Variants in TRIM71 observed in about 807,000 individuals in gnomAD.
The protein encoded by TRIM71 is E3 ubiquitin-protein ligase TRIM71.
In TRIM71, 9 loss-of-function variants were observed where a neutral mutation model predicts 61.2. The observed-to-expected ratio is 0.15, with a 90% CI of 0.09 to 0.26. TRIM71 has a LOEUF of 0.26. TRIM71 is among the 10% of genes least tolerant of loss of function. The pLI is 1.00. For missense variants in TRIM71, 998 were observed against 1,238.7 expected (o/e 0.81, Z 2.92); for synonymous variants, 645 against 553.2 (o/e 1.17, Z -2.33).
At chr3:32,883,703 C>T (rs1308327200) in intron 2 of TRIM71, among the ~76,000 whole-genome samples, 1 of 152,222 alleles carries the variant, frequency 6.6e-6, no homozygotes, top group Non-Finnish European at 1.5e-5. Flanking sequence ...TAACCCAACA[C>T]AGCTACCTAG....
At chr3:32,876,666 T>TA (rs1696855515) in intron 2 of TRIM71, among the ~76,000 whole-genome samples, 1 of 152,178 alleles carries the variant, frequency 6.6e-6, no homozygotes, top group African/African-American at 2.4e-5. Context: ...ATTAACCTCT[T>TA]ACTCTCTTAA....
intron 1 of TRIM71, among the ~76,000 whole-genome samples, chr3:32,824,703 C>G (rs1287152019): frequency 6.6e-6 from 1 of 151,584 alleles, no homozygotes; most frequent in Admixed American, 6.6e-5. Flanking sequence ...AGGCTGGTCT[C>G]AAACTCCCAA....
rs1697077981 is a variant in TRIM71 at position 32,896,376 on chromosome 3, GT to G, written c.*4567del. On this transcript the variant is annotated 3_prime_UTR_variant, in exon 4 of 4. Coordinates refer to ENST00000383763, the MANE Select transcript of TRIM71 (RefSeq NM_001039111.3). ...TCACTGTTTTGACTGAGCAGTGACT[GT>G]TGAAGTGTGTATTGCTCTTTTGTTT... The G allele has an allele frequency of 6.6e-6, 1 of 152,128 alleles. No homozygotes were observed. The highest frequency in any genetic ancestry group is 2.1e-4 in the South Asian group (1 of 4,832). The allele number at this position is 152,128 out of a possible 1,614,324, so 9.4% of individuals were successfully genotyped here.
chr3:32,839,882 C>T (rs937913391), intron 1 of TRIM71, among the ~76,000 whole-genome samples: 2 of 152,118 alleles, frequency 1.3e-5, no homozygotes, highest in African/African-American at 4.8e-5. Context: ...GACCTGAGTG[C>T]TTTTGAGGAG....
At chr3:32,888,012 G>A (rs906692228) in intron 3 of TRIM71, among the ~76,000 whole-genome samples, 4 of 152,076 alleles carry the variant, frequency 2.6e-5, no homozygotes, top group Non-Finnish European at 5.9e-5. Flanking sequence ...AAGTTCATTC[G>A]CTTCACAGGG....
In TRIM71 at chr3:32,881,029, A is replaced by ATT. The variant is rs60555954; in HGVS notation, c.1021-4899_1021-4898dup. 0.014 allele frequency among the ~76,000 whole-genome samples: 2,179 copies of ATT among 151,934 alleles called. 136 individuals are homozygous for ATT. The East Asian group carries it at 0.2, about 14-fold the overall frequency. On this transcript the variant is annotated intron_variant, in intron 2 of 3. Transcript: ENST00000383763. ...AAATTTTATATATGTATATATATAT[A>ATT]TTTTTTTGAGGTGGAGTCTCACTCT...
rs1575344379 is a variant in TRIM71, at chr3:32,837,932, G to T, written c.852+19000G>T. On this transcript the variant is annotated intron_variant, in intron 1 of 3. Coordinates refer to ENST00000383763, the MANE Select transcript of TRIM71 (RefSeq NM_001039111.3). The stretch of plus-strand genomic sequence containing the variant: ...CAGGGCCACAATGCAAATGGCCAGG[G>T]CACATTGTTTTCCTCTGAGCAGATG... Among the ~76,000 whole-genome samples, 3 of 152,320 alleles carry T rather than the reference G, an allele frequency of 2.0e-5. No homozygotes were observed. The East Asian group carries it at 5.8e-4, about 29-fold the overall frequency.
intron 1 of TRIM71, among the ~76,000 whole-genome samples, chr3:32,868,168 T>C (rs1696759259): frequency 6.6e-6 from 1 of 152,098 alleles, no homozygotes; most frequent in African/African-American, 2.4e-5. Flanking sequence ...AACTGTGAAC[T>C]GTGTCCATAC....
At chr3:32,885,886 A>G in intron 2 of TRIM71, 48 bp from the exon 3 acceptor site, 3 of 1,590,290 alleles carry the variant, frequency 1.9e-6, no homozygotes, top group African/African-American at 2.7e-5. Flanking sequence ...TGTATAAGGA[A>G]TGACAGTCCT....
intron 1 of TRIM71, among the ~76,000 whole-genome samples, chr3:32,866,824 G>A (rs1179579445): frequency 6.6e-6 from 1 of 152,152 alleles, no homozygotes; most frequent in Non-Finnish European, 1.5e-5. Flanking sequence ...TTGGTTGGCT[G>A]CTGTTGGAGA....
chr3:32,824,802 C>CT (rs1261415089), intron 1 of TRIM71, among the ~76,000 whole-genome samples: 2 of 152,034 alleles, frequency 1.3e-5, no homozygotes, highest in Non-Finnish European at 2.9e-5. Context: ...CTTTTCTTTT[C>CT]TTTTTTTCTT....
At chr3:32,868,717 G>A (rs984455271) in intron 1 of TRIM71, among the ~76,000 whole-genome samples, 1 of 142,314 alleles carries the variant, frequency 7.0e-6, no homozygotes, top group African/African-American at 2.6e-5. Flanking sequence ...CTGTTTGCTT[G>A]TATTACTTTC....
chr3:32,826,582 C>CTTTTT (rs71068090), intron 1 of TRIM71, among the ~76,000 whole-genome samples: 2,963 of 83,054 alleles, frequency 0.036, 417 homozygotes, highest in East Asian at 0.074. Context: ...CAGGTGAGTT[C>CTTTTT]TTTTTTTTTT....
chr3:32,841,489 C>T (rs1432139512), intron 1 of TRIM71, among the ~76,000 whole-genome samples: 6 of 151,860 alleles, frequency 4.0e-5, no homozygotes, highest in South Asian at 4.2e-4. Context: ...CTGGGCAACA[C>T]GGCAAAACCC....
intron 1 of TRIM71, among the ~76,000 whole-genome samples, chr3:32,856,617 C>T (rs542134800): frequency 1.3e-5 from 2 of 152,314 alleles, no homozygotes; most frequent in South Asian, 4.1e-4. Context: ...TCACTGGCCT[C>T]CTGCAGAGGA....
chr3:32,842,155 C>A (rs1236251211), intron 1 of TRIM71, among the ~76,000 whole-genome samples: 1 of 152,204 alleles, frequency 6.6e-6, no homozygotes, highest in African/African-American at 2.4e-5. Flanking sequence ...GGGGAATTTG[C>A]AGATTCCATC....
At position 32,874,075 on chromosome 3, in the gene TRIM71, G is replaced by A; in HGVS notation, c.1020+90G>A. On this transcript the variant is annotated intron_variant, in intron 2 of 3. Coordinates refer to ENST00000383763, the MANE Select transcript of TRIM71 (RefSeq NM_001039111.3). Reference sequence around the variant, plus strand: ...TGGACAGACAATTGGGCAGATTCCAGTGTGGGGGGTGGAATAGTGACCCAA... The same window carrying A: ...TGGACAGACAATTGGGCAGATTCCAATGTGGGGGGTGGAATAGTGACCCAA... 1 of 1,387,602 alleles carries A rather than the reference G, an allele frequency of 7.2e-7. No individual in the cohort carries two copies. The highest frequency in any genetic ancestry group is 9.8e-7 in the Non-Finnish European group (1 of 1,025,504). 86.0% of individuals were successfully genotyped at this position (1,387,602 alleles called of 1,614,324 possible). A position where few individuals can be genotyped will look rare whatever the true frequency, so the allele number is the denominator to read the frequency against.
chr3:32,846,300 C>T (rs1696473710), intron 1 of TRIM71, among the ~76,000 whole-genome samples: 1 of 152,154 alleles, frequency 6.6e-6, no homozygotes, highest in African/African-American at 2.4e-5. Context: ...TGGTCTCGAT[C>T]TCCTGACCTT....
At chr3:32,830,289 C>T (rs555035135) in intron 1 of TRIM71, among the ~76,000 whole-genome samples, 16 of 152,020 alleles carry the variant, frequency 1.1e-4, no homozygotes, top group Non-Finnish European at 2.4e-4. Context: ...TTAAGGAGAA[C>T]GTTAAAAAGC....
Sources: allele counts gnomAD v4.1 joint callset (sites outside exome capture counted in the v4.1 genomes callset), GRCh38; gene constraint gnomAD v4.1.1; transcripts MANE v1.5; gene names NCBI Gene and HGNC (gene_info 2026-07-23, HGNC 2026-07-21).